The following RGS21 variants were observed in gnomAD, a reference collection of about 807,000 sequenced individuals.
RGS21 encodes the protein regulator of G-protein signalling 21.
In RGS21, 19 loss-of-function variants were observed where a neutral mutation model predicts 18.7. That is an observed-to-expected ratio of 1.01 (90% CI 0.71 to 1.49). The LOEUF is 1.49. RGS21 is among the 40% of genes most tolerant of loss of function. The probability of loss-of-function intolerance (pLI) is 0.00; values close to 1 mark genes in which losing one functional copy is unlikely to be tolerated. For synonymous variants in RGS21, 56 were observed against 57.8 expected (o/e 0.97, Z 0.14); for missense variants, 194 against 176.8 (o/e 1.10, Z -0.55).
At position 192,366,243 on chromosome 1, in the gene RGS21, G is replaced by A. The variant is rs937076244; in HGVS notation, c.*119G>A. ...TTAGAAAACATTTTTTACCCAAACAGATGAATAACGTTTTATACAACAAGC... is the reference window on the plus strand; with the variant it reads ...TTAGAAAACATTTTTTACCCAAACAAATGAATAACGTTTTATACAACAAGC... On this transcript the variant is annotated 3_prime_UTR_variant, in exon 5 of 5. Coordinates refer to ENST00000417209, the MANE Select transcript of RGS21 (RefSeq NM_001039152.3). The A allele has an allele frequency of 3.0e-6, 2 of 661,352 alleles. No individual in the cohort carries two copies. Among genetic ancestry groups the A allele is most frequent in the Admixed American group, 2.9e-5 (1 of 34,056 alleles). The allele number at this position is 661,352 out of a possible 1,614,324, so 41.0% of individuals were successfully genotyped here.
intron 4 of RGS21, among the ~76,000 whole-genome samples, chr1:192,355,532 T>C (rs1012389280): frequency 4.0e-5 from 6 of 151,136 alleles, no homozygotes; most frequent in Non-Finnish European, 7.4e-5. Context: ...GGAGAAAATA[T>C]AGCAGAAAAA....
At position 192,365,969 on chromosome 1, in the gene RGS21, G is replaced by A; in HGVS notation, c.304G>A (p.Glu102Lys). The A allele has an allele frequency of 6.2e-7, 1 of 1,610,968 alleles. No individual in the cohort carries two copies. Among genetic ancestry groups the A allele is most frequent in the Non-Finnish European group, 8.5e-7 (1 of 1,177,770 alleles). Residue 102 changes from glutamate to lysine, a missense_variant, in exon 5 of 5, where the codon GAA (glutamate) becomes AAA (lysine). Glu to Lys is a moderately conservative substitution (Grantham distance 56). Transcript: ENST00000417209. ...AGACCTCATCTCAAAGAATATTGCT[G>A]AACCAACACTCAAATGCTTTGATGA... ...TRDLISKNIA[E>K]PTLKCFDEAQ...
intron 1 of RGS21, among the ~76,000 whole-genome samples, chr1:192,333,071 T>C (rs1352485239): frequency 6.6e-6 from 1 of 151,426 alleles, no homozygotes; most frequent in East Asian, 1.9e-4. Context: ...AAAAAAAGGG[T>C]CAACATCACG....
intron 1 of RGS21, among the ~76,000 whole-genome samples, chr1:192,332,121 G>A (rs566283933): frequency 2.0e-5 from 3 of 152,078 alleles, no homozygotes; most frequent in East Asian, 3.9e-4. Context: ...CTTGAAAAGA[G>A]AAAATTATTT....
At chr1:192,318,304 T>G (rs1557971987) in intron 1 of RGS21, among the ~76,000 whole-genome samples, 1 of 152,100 alleles carries the variant, frequency 6.6e-6, no homozygotes, top group East Asian at 1.9e-4. Context: ...AGTAACACTA[T>G]TAATTACTTC....
At chr1:192,345,383 A>G (rs1658931488) in intron 2 of RGS21, among the ~76,000 whole-genome samples, 1 of 151,998 alleles carries the variant, frequency 6.6e-6, no homozygotes, top group Non-Finnish European at 1.5e-5. Context: ...ACACTTTTCA[A>G]TACTTTTTAT....
intron 3 of RGS21, among the ~76,000 whole-genome samples, chr1:192,348,832 A>T (rs574609300): frequency 1.6e-4 from 25 of 152,274 alleles, no homozygotes; most frequent in African/African-American, 6.0e-4. Flanking sequence ...AAATTAGAAT[A>T]TTAGAAAAAT....
At position 192,343,008 on chromosome 1, in the gene RGS21, A is replaced by G. The variant is rs761252903; in HGVS notation, c.-29A>G. On this transcript the variant is annotated 5_prime_UTR_variant, in exon 2 of 5. Coordinates refer to ENST00000417209, the MANE Select transcript of RGS21 (RefSeq NM_001039152.3). ...GATCAGTCAGAAAGAGAAACTCGGC[A>G]TCATCTGTGACAGACAGTGGAACGA... The G allele has an allele frequency of 9.3e-6, 15 of 1,611,796 alleles. No homozygotes were observed. The highest frequency in any genetic ancestry group is 1.7e-6 in the Non-Finnish European group (2 of 1,178,200).
In RGS21 at chr1:192,352,106, T is replaced by C. The variant is rs201155357; in HGVS notation, c.148T>C (p.Phe50Leu). ...KSEFSEENVE[F>L]WLACEDFKKT... ...AGAGTTTAGTGAAGAAAATGTTGAGTTCTGGCTTGCCTGTGAAGACTTTAA... is the reference window on the plus strand; with the variant it reads ...AGAGTTTAGTGAAGAAAATGTTGAGCTCTGGCTTGCCTGTGAAGACTTTAA... Residue 50 changes from phenylalanine to leucine, a missense_variant, in exon 4 of 5, where the codon TTC becomes CTC. Phe to Leu is a conservative substitution (Grantham distance 22). Transcript: ENST00000417209. 6.6e-4 allele frequency: 1,055 copies of C among 1,610,288 alleles called. 1 individual carries two copies. Among genetic ancestry groups the C allele is most frequent in the Non-Finnish European group, 8.0e-4 (942 of 1,178,188 alleles).
intron 4 of RGS21, among the ~76,000 whole-genome samples, chr1:192,361,390 A>C (rs1659185793): frequency 6.6e-6 from 1 of 152,102 alleles, no homozygotes; most frequent in Non-Finnish European, 1.5e-5. Flanking sequence ...TAGTAAAAGA[A>C]ATAGAGAGAA....
At chr1:192,324,501 T>C (rs928463065) in intron 1 of RGS21, among the ~76,000 whole-genome samples, 16 of 152,102 alleles carry the variant, frequency 1.1e-4, no homozygotes, top group African/African-American at 3.9e-4. Flanking sequence ...GTATTTCATT[T>C]CAATGTGAAT....
intron 1 of RGS21, among the ~76,000 whole-genome samples, chr1:192,328,998 A>G (rs1488691012): frequency 1.3e-5 from 2 of 152,130 alleles, no homozygotes; most frequent in African/African-American, 2.4e-5. Context: ...ATTATTTCTC[A>G]TAGATCAACT....
intron 1 of RGS21, among the ~76,000 whole-genome samples, chr1:192,323,835 A>G (rs1354015086): frequency 6.6e-6 from 1 of 152,144 alleles, no homozygotes; most frequent in Non-Finnish European, 1.5e-5. Flanking sequence ...ATGAATAAAA[A>G]CTAAAGTTCC....
At chr1:192,363,094 A>G (rs954087318) in intron 4 of RGS21, among the ~76,000 whole-genome samples, 12 of 152,174 alleles carry the variant, frequency 7.9e-5, no homozygotes, top group African/African-American at 2.9e-4. Context: ...GTTTAAAAGT[A>G]AAAATATACA....
At chr1:192,353,945 G>C (rs1181423513) in intron 4 of RGS21, among the ~76,000 whole-genome samples, 1 of 151,318 alleles carries the variant, frequency 6.6e-6, no homozygotes, top group Non-Finnish European at 1.5e-5. Flanking sequence ...AAATACGCAA[G>C]TATAAATATG....
At chr1:192,351,386 C>T (rs1372971493) in intron 3 of RGS21, among the ~76,000 whole-genome samples, 4 of 151,980 alleles carry the variant, frequency 2.6e-5, no homozygotes, top group Non-Finnish European at 5.9e-5. Context: ...GCTTTAAGCC[C>T]AAACCAATAC....
At chr1:192,363,599 A>ATATACATGTATATAAAACATG in intron 4 of RGS21, among the ~76,000 whole-genome samples, 1 of 152,126 alleles carries the variant, frequency 6.6e-6, no homozygotes, top group African/African-American at 2.4e-5. Flanking sequence ...TATGTTCATT[A>ATATACATGTATATAAAACATG]TATAAGTTAT....
At chr1:192,333,280 A>ACACACACACG (rs1276053959) in intron 1 of RGS21, among the ~76,000 whole-genome samples, 1 of 151,498 alleles carries the variant, frequency 6.6e-6, no homozygotes, top group Non-Finnish European at 1.5e-5. Flanking sequence ...ACACACACAC[A>ACACACACACG]CACACACACA....
At chr1:192,323,939 G>T (rs1658530496) in intron 1 of RGS21, among the ~76,000 whole-genome samples, 1 of 151,754 alleles carries the variant, frequency 6.6e-6, no homozygotes, top group Admixed American at 6.6e-5. Context: ...AAAAAAAGTT[G>T]TTTGTAAGGA....
Sources: allele counts gnomAD v4.1 joint callset (sites outside exome capture counted in the v4.1 genomes callset), GRCh38; gene constraint gnomAD v4.1.1; transcripts MANE v1.5; gene names NCBI Gene and HGNC (gene_info 2026-07-23, HGNC 2026-07-21).